Variants in IGF2R observed in about 807,000 individuals in gnomAD.
The protein encoded by IGF2R is cation-independent mannose-6-phosphate receptor.
IGF2R carries 91 observed loss-of-function variants against 270.6 expected under a neutral mutation model. That is an observed-to-expected ratio of 0.34 (90% CI 0.28 to 0.40). The LOEUF (loss-of-function observed/expected upper bound fraction) is 0.40, where lower values mean the gene tolerates loss of function less well. Among genes scored for constraint, IGF2R ranks in the 10% least tolerant of loss-of-function variants. The probability of loss-of-function intolerance (pLI) is 1.00; values close to 1 mark genes in which losing one functional copy is unlikely to be tolerated. For missense variants in IGF2R, 2,805 were observed against 3,188.3 expected, an observed-to-expected ratio of 0.88 and a Z score of 2.90; for synonymous variants, 1,316 against 1,258.9, an observed-to-expected ratio of 1.05 and a Z score of -0.96.
intron 4 of IGF2R, among the ~76,000 whole-genome samples, chr6:160,023,087 G>A (rs1383693005): frequency 6.6e-6 from 1 of 152,146 alleles, no homozygotes; most frequent in African/African-American, 2.4e-5. Flanking sequence ...TGCTAATCCT[G>A]TGCTTGTGGA....
chr6:160,048,829 T>A (rs1231728268), intron 18 of IGF2R, among the ~76,000 whole-genome samples: 2 of 152,216 alleles, frequency 1.3e-5, no homozygotes, highest in Non-Finnish European at 2.9e-5. Context: ...TTCAAAAGTG[T>A]CTTTAGGTGC....
chr6:160,034,972 G>A (rs1458007373), intron 10 of IGF2R, among the ~76,000 whole-genome samples: 1 of 152,204 alleles, frequency 6.6e-6, no homozygotes, highest in Non-Finnish European at 1.5e-5. Flanking sequence ...GGGGATTGCA[G>A]AATGTCACTG....
At chr6:159,996,786 A>C (rs954295037) in intron 2 of IGF2R, among the ~76,000 whole-genome samples, 1 of 152,188 alleles carries the variant, frequency 6.6e-6, no homozygotes, top group African/African-American at 2.4e-5. Flanking sequence ...CCCAAAGCAC[A>C]CACATTTGTA....
intron 1 of IGF2R, among the ~76,000 whole-genome samples, chr6:159,989,059 C>G (rs1260963502): frequency 6.6e-6 from 1 of 152,024 alleles, no homozygotes; most frequent in Non-Finnish European, 1.5e-5. Context: ...GGAGTCATAC[C>G]CCGAGGGTAT....
At chr6:160,016,858 CG>C (rs1280160931) in intron 4 of IGF2R, among the ~76,000 whole-genome samples, 1 of 152,166 alleles carries the variant, frequency 6.6e-6, no homozygotes, top group African/African-American at 2.4e-5. Flanking sequence ...ATTCTCAGGG[CG>C]GGGGGAACCC....
chr6:160,009,025 G>C lies in IGF2R; in HGVS notation c.305G>C (p.Arg102Thr). The C allele has an allele frequency of 1.2e-6, 2 of 1,614,010 alleles. No homozygotes were observed. Among genetic ancestry groups the C allele is most frequent in the Non-Finnish European group, 1.7e-6 (2 of 1,179,918 alleles). ...TYHSVGDSVL[R>T]SATRSLLEFN... The stretch of plus-strand genomic sequence containing the variant: ...CTCCAAATAGGTGACTCTGTTTTGA[G>C]AAGTGCAACCAGATCTCTCCTGGAA... The change falls in exon 3 of 48, where the codon AGA (arginine) becomes ACA (threonine). Residue 102 changes from arginine to threonine, a missense_variant. Arg to Thr is a moderately conservative substitution (Grantham distance 71). Coordinates refer to ENST00000356956, the MANE Select transcript of IGF2R (RefSeq NM_000876.4).
At chr6:159,981,727 A>G (rs994122121) in intron 1 of IGF2R, among the ~76,000 whole-genome samples, 1 of 152,194 alleles carries the variant, frequency 6.6e-6, no homozygotes, top group South Asian at 2.1e-4. Context: ...CAGGCCCTTC[A>G]TGGCACCTTT....
At chr6:160,071,705 C>T (rs901821193) in intron 31 of IGF2R, among the ~76,000 whole-genome samples, 1 of 152,178 alleles carries the variant, frequency 6.6e-6, no homozygotes, top group Non-Finnish European at 1.5e-5. Context: ...TTTCACTTAC[C>T]TGCAGGGGAA....
chr6:160,072,016 A>G lies in IGF2R; in HGVS notation c.4550A>G (p.Gln1517Arg). ...PMKSNEHDDC[Q>R]VTNPSTGHLF... ...AAGAGCAACGAGCATGATGACTGCCAGGTCACCAACCCAAGCACAGGTGAG... is the reference window on the plus strand; with the variant it reads ...AAGAGCAACGAGCATGATGACTGCCGGGTCACCAACCCAAGCACAGGTGAG... The change falls in exon 32 of 48, where the codon CAG (glutamine) becomes CGG (arginine). Residue 1517 changes from glutamine to arginine, a missense_variant. Gln to Arg is a conservative substitution (Grantham distance 43). Coordinates refer to ENST00000356956, the MANE Select transcript of IGF2R (RefSeq NM_000876.4). The G allele has an allele frequency of 3.7e-6, 6 of 1,614,176 alleles. No homozygotes were observed. The highest frequency in any genetic ancestry group is 2.2e-5 in the South Asian group (2 of 91,090).
rs983971136 is a variant in IGF2R at position 160,102,378 on chromosome 6, T to C, written c.6843-141T>C. 2 of 938,478 alleles carry C rather than the reference T, an allele frequency of 2.1e-6. No individual in the cohort carries two copies. The highest frequency in any genetic ancestry group is 3.3e-6 in the Non-Finnish European group (2 of 612,672). The allele number at this position is 938,478 out of a possible 1,614,324, so 58.1% of individuals were successfully genotyped here. A position where few individuals can be genotyped will look rare whatever the true frequency, so the allele number is the denominator to read the frequency against. On this transcript the variant is annotated intron_variant, in intron 45 of 47. Transcript: ENST00000356956. This position sits in a 1 kb window ranked among gnomAD's most constrained non-coding sequence, Gnocchi z 4.5. ...TCCATGTGGAGTGGGACTTGTGGCCTTGTTTTCTGGGCAGGAGTAAGAATC... is the reference window on the plus strand; with the variant it reads ...TCCATGTGGAGTGGGACTTGTGGCCCTGTTTTCTGGGCAGGAGTAAGAATC...
At chr6:159,986,402 TTGTGTGTG>T (rs56105769) in intron 1 of IGF2R, among the ~76,000 whole-genome samples, 7 of 131,926 alleles carry the variant, frequency 5.3e-5, no homozygotes, top group African/African-American at 1.1e-4. Context: ...TGGCTAATTT[TTGTGTGTG>T]TGTGTGTGTG....
At position 160,084,653 on chromosome 6, in the gene IGF2R, A is replaced by C. The variant is rs1457766556; in HGVS notation, c.6069-342A>C. ...GCAGGGGCATGGACTCACAGGGTTTAAGTGGTTCTAAGTGAGGTGGGAAAC... is the reference window on the plus strand; with the variant it reads ...GCAGGGGCATGGACTCACAGGGTTTCAGTGGTTCTAAGTGAGGTGGGAAAC... On this transcript the variant is annotated intron_variant, in intron 40 of 47. Coordinates refer to ENST00000356956, the MANE Select transcript of IGF2R (RefSeq NM_000876.4). This position sits in a 1 kb window ranked among gnomAD's most constrained non-coding sequence, Gnocchi z 4.6. 6.6e-6 allele frequency among the ~76,000 whole-genome samples: 1 copy of C among 151,928 alleles called. No individual in the cohort carries two copies. The highest frequency in any genetic ancestry group is 1.5e-5 in the Non-Finnish European group (1 of 67,980).
rs774246108 is a variant in IGF2R at position 160,072,805 on chromosome 6, A to T, written c.4611A>T (p.Gly1537=). ...FDLSSLSGRA[G]FTAAYSEKGL... ...TGAGCTCCTTAAGTGGCAGGGCGGG[A>T]TTCACAGCTGCTTACAGCGAGAAGG... is the stretch of plus-strand genomic sequence containing the variant. The change falls in exon 33 of 48, where the codon GGA becomes GGT. Residue 1537 remains glycine, a synonymous_variant. Coordinates refer to ENST00000356956, the MANE Select transcript of IGF2R (RefSeq NM_000876.4). 2 of 1,614,040 alleles carry T rather than the reference A, an allele frequency of 1.2e-6. No individual in the cohort carries two copies. Among genetic ancestry groups the T allele is most frequent in the African/African-American group, 2.7e-5 (2 of 74,902 alleles).
intron 6 of IGF2R, among the ~76,000 whole-genome samples, chr6:160,027,865 C>T (rs748383902): frequency 2.6e-5 from 4 of 152,144 alleles, no homozygotes; most frequent in African/African-American, 7.2e-5. Flanking sequence ...TCCTGAACTT[C>T]GATCAAGGAT....
At chr6:160,029,518 G>A (rs1777644749) in intron 6 of IGF2R, 32 bp from the exon 7 acceptor site, 3 of 1,423,678 alleles carry the variant, frequency 2.1e-6, no homozygotes, top group Non-Finnish European at 3.0e-6. Flanking sequence ...TTATACTTTT[G>A]TAATACTCTT....
chr6:160,048,419 T>C lies in IGF2R; in HGVS notation c.2390T>C (p.Met797Thr), dbSNP rs777079679. 2.5e-6 allele frequency: 4 copies of C among 1,614,138 alleles called. No individual in the cohort carries two copies. Among genetic ancestry groups the C allele is most frequent in the South Asian group, 1.1e-5 (1 of 91,092 alleles). The change falls in exon 18 of 48, where the codon ATG becomes ACG. Residue 797 changes from methionine (M) to threonine (T), a missense_variant. Coordinates refer to ENST00000356956, the MANE Select transcript of IGF2R (RefSeq NM_000876.4). ...EGGLGGNWYA[M>T]DNSGEHVTWR... ...GGCCTTGGAGGAAACTGGTATGCCATGGACAACTCAGGGGAACATGTCACG... is the reference window on the plus strand; with the variant it reads ...GGCCTTGGAGGAAACTGGTATGCCACGGACAACTCAGGGGAACATGTCACG...
intron 10 of IGF2R, among the ~76,000 whole-genome samples, chr6:160,035,947 G>A (rs1278372160): frequency 6.6e-6 from 1 of 152,186 alleles, no homozygotes; most frequent in Admixed American, 6.5e-5. Flanking sequence ...TGAGGAGCAT[G>A]CCAGTCCCGT....
intron 11 of IGF2R, among the ~76,000 whole-genome samples, chr6:160,041,190 T>A (rs564317769): frequency 6.6e-6 from 1 of 152,204 alleles, no homozygotes; most frequent in Admixed American, 6.5e-5. Flanking sequence ...GGGCCTGGAA[T>A]TTAGCAGGAA....
intron 4 of IGF2R, 31 bp from the exon 5 acceptor site, chr6:160,024,541 G>A (rs1266128987): frequency 6.2e-7 from 1 of 1,611,342 alleles, no homozygotes; most frequent in South Asian, 1.1e-5. Context: ...GATGTATACT[G>A]AAGACTCACT....
Sources: gnomAD v4.1 joint callset for allele counts (sites outside exome capture counted in the v4.1 genomes callset) on GRCh38, gnomAD v4.1.1 for gene constraint, Gnocchi (gnomAD v3.1) non-coding constraint, MANE v1.5 for transcripts, NCBI Gene and HGNC (gene_info 2026-07-23, HGNC 2026-07-21) for gene names.